Variants in LRMDA observed in about 807,000 individuals in gnomAD.
LRMDA encodes leucine-rich melanocyte differentiation-associated protein.
In LRMDA, 18 loss-of-function variants were observed where a neutral mutation model predicts 29.8. That is an observed-to-expected ratio of 0.60 (90% CI 0.42 to 0.90). The LOEUF (loss-of-function observed/expected upper bound fraction) is 0.90, where lower values mean the gene tolerates loss of function less well. LRMDA is among the 40% of genes least tolerant of loss of function. The pLI is 0.00. For missense variants in LRMDA, 273 were observed against 273.9 expected (o/e 1.00, Z 0.02); for synonymous variants, 125 against 109.4 (o/e 1.14, Z -0.89).
rs139330527 is a variant in LRMDA at position 75,803,501 on chromosome 10, G to A, written c.132-232507G>A. Among the ~76,000 whole-genome samples, 1,485 of 152,300 alleles carry A rather than the reference G, an allele frequency of 9.8e-3. 7 individuals are homozygous for A. The highest frequency in any genetic ancestry group is 0.037 in the South Asian group (179 of 4,826). On this transcript the variant is annotated intron_variant, in intron 2 of 6. Transcript: ENST00000611255. ...GGTCAGAGTAGCATGGATCCAGACC[G>A]CCTGCATGTACATTCTGGCTCTGCC...
At chr10:75,691,535 G>T (rs960429953) in intron 2 of LRMDA, among the ~76,000 whole-genome samples, 14 of 152,198 alleles carry the variant, frequency 9.2e-5, no homozygotes, top group African/African-American at 3.1e-4. Flanking sequence ...AGCACAAAAG[G>T]CATGTGGTTC....
chr10:75,848,663 G>A (rs766432341), intron 2 of LRMDA, among the ~76,000 whole-genome samples: 1 of 152,010 alleles, frequency 6.6e-6, no homozygotes, highest in Non-Finnish European at 1.5e-5. Flanking sequence ...TACCCCAGAT[G>A]CATTACAGTG....
chr10:75,711,656 G>T (rs1433179077), intron 2 of LRMDA, among the ~76,000 whole-genome samples: 1 of 151,946 alleles, frequency 6.6e-6, no homozygotes, highest in Non-Finnish European at 1.5e-5. Context: ...GTGAATAGGG[G>T]GTAAGAAAAG....
intron 5 of LRMDA, among the ~76,000 whole-genome samples, chr10:76,140,570 C>T (rs545791910): frequency 3.3e-5 from 5 of 152,180 alleles, no homozygotes; most frequent in South Asian, 2.1e-4. Context: ...AACAGTACCC[C>T]AAAGGATGGC....
At chr10:76,209,830 C>T (rs1050557272) in intron 5 of LRMDA, among the ~76,000 whole-genome samples, 2 of 152,168 alleles carry the variant, frequency 1.3e-5, no homozygotes, top group Admixed American at 6.5e-5. Flanking sequence ...GGACACTATC[C>T]AGGGAGAGAT....
intron 6 of LRMDA, among the ~76,000 whole-genome samples, chr10:76,361,618 C>T (rs1214068402): frequency 1.3e-5 from 2 of 152,096 alleles, no homozygotes; most frequent in Non-Finnish European, 2.9e-5. Flanking sequence ...TTGCTAACTA[C>T]TTAAGGCAGA....
chr10:76,031,533 T>G (rs1848150714), intron 2 of LRMDA, among the ~76,000 whole-genome samples: 1 of 152,104 alleles, frequency 6.6e-6, no homozygotes, highest in Non-Finnish European at 1.5e-5. Flanking sequence ...CACTGTACAC[T>G]TAACAGCTTT....
rs978799794 is a variant in LRMDA, at chr10:76,166,669, G to A, written c.516+107886G>A. 2.2e-4 allele frequency among the ~76,000 whole-genome samples: 33 copies of A among 152,176 alleles called. No homozygotes were observed. In the East Asian group the frequency reaches 2.9e-3, roughly 13 times the overall value. ...TGATCTTGTTCTTTTTTATGGCTGC[G>A]TAGTATTCCATGGTATATATGTACC... On this transcript the variant is annotated intron_variant, in intron 5 of 6. Transcript: ENST00000611255.
chr10:75,883,426 A>C (rs894524722), intron 2 of LRMDA: 2 of 152,206 alleles, frequency 1.3e-5, no homozygotes, highest in Non-Finnish European at 2.9e-5. Context: ...CAGCACACCC[A>C]AGAGTTGAAG....
At chr10:76,008,685 C>T (rs923969728) in intron 2 of LRMDA, among the ~76,000 whole-genome samples, 5 of 152,180 alleles carry the variant, frequency 3.3e-5, no homozygotes, top group African/African-American at 4.8e-5. Flanking sequence ...GGCAGTGTTT[C>T]GGATCAGAGA....
At chr10:75,918,700 C>A (rs1400131643) in intron 2 of LRMDA, among the ~76,000 whole-genome samples, 1 of 152,166 alleles carries the variant, frequency 6.6e-6, no homozygotes, top group Non-Finnish European at 1.5e-5. Flanking sequence ...TTGAACTGAG[C>A]CATAAGCAAT....
intron 2 of LRMDA, among the ~76,000 whole-genome samples, chr10:75,514,715 C>A (rs575768957): frequency 6.6e-6 from 1 of 152,176 alleles, no homozygotes; most frequent in East Asian, 1.9e-4. Context: ...GGCCCTCCTT[C>A]GCCTTCTGCT....
intron 6 of LRMDA, among the ~76,000 whole-genome samples, chr10:76,546,079 A>G (rs938059753): frequency 2.6e-5 from 4 of 152,310 alleles, no homozygotes; most frequent in African/African-American, 7.2e-5. Context: ...GGGCCAACCC[A>G]TACATTTCTA....
intron 2 of LRMDA, among the ~76,000 whole-genome samples, chr10:75,745,826 C>G (rs773628243): frequency 6.6e-6 from 1 of 151,982 alleles, no homozygotes; most frequent in Non-Finnish European, 1.5e-5. Context: ...TTTGTTTTTT[C>G]GTGATGACCT....
chr10:76,213,338 C>G (rs1851669838), intron 5 of LRMDA, among the ~76,000 whole-genome samples: 1 of 152,078 alleles, frequency 6.6e-6, no homozygotes, highest in Non-Finnish European at 1.5e-5. Context: ...GTAATTTTAC[C>G]CAAGACCCTG....
At chr10:76,158,608 A>G (rs1850586905) in intron 5 of LRMDA, among the ~76,000 whole-genome samples, 1 of 152,208 alleles carries the variant, frequency 6.6e-6, no homozygotes, top group South Asian at 2.1e-4. Context: ...CACTAACAAT[A>G]TTACTAAAGA....
At chr10:76,368,174 T>A (rs1841413875) in intron 6 of LRMDA, among the ~76,000 whole-genome samples, 1 of 152,188 alleles carries the variant, frequency 6.6e-6, no homozygotes. Context: ...TCTCTAGTTT[T>A]TTGAGGTGTT....
chr10:75,611,949 C>A (rs1437782992), intron 2 of LRMDA, among the ~76,000 whole-genome samples: 1 of 152,176 alleles, frequency 6.6e-6, no homozygotes, highest in African/African-American at 2.4e-5. Context: ...TTTTTGGTCC[C>A]CTTCTCCTAT....
chr10:76,190,062 A>G (rs16932995), intron 5 of LRMDA, among the ~76,000 whole-genome samples: 23,640 of 152,146 alleles, frequency 0.16, 2,579 homozygotes, highest in East Asian at 0.52. Flanking sequence ...GGAAGAAGCA[A>G]TCTTGGGGAG....
Sources: allele counts gnomAD v4.1 joint callset (sites outside exome capture counted in the v4.1 genomes callset), GRCh38; gene constraint gnomAD v4.1.1; transcripts MANE v1.5; gene names NCBI Gene and HGNC (gene_info 2026-07-23, HGNC 2026-07-21).